The following ARAF variants were observed in gnomAD, a reference collection of about 807,000 sequenced individuals.
The protein encoded by ARAF is A-Raf proto-oncogene, serine/threonine kinase, also known as serine/threonine-protein kinase A-Raf.
In ARAF, 18 loss-of-function variants were observed where a neutral mutation model predicts 48.0. The observed-to-expected ratio is 0.37, with a 90% CI of 0.26 to 0.56. ARAF has a LOEUF of 0.56. Among genes scored for constraint, ARAF ranks in the 20% least tolerant of loss-of-function variants. ARAF has a pLI of 0.77. For missense variants in ARAF, 389 were observed against 543.1 expected, an observed-to-expected ratio of 0.72 and a Z score of 2.82; for synonymous variants, 207 against 220.1, an observed-to-expected ratio of 0.94 and a Z score of 0.53.
At position 47,571,499 on chromosome X, in the gene ARAF, G is replaced by A. The variant is rs988082193; in HGVS notation, c.*42G>A. 63 of 1,173,071 alleles carry A rather than the reference G, an allele frequency of 5.4e-5. No homozygotes were observed. The highest frequency in any genetic ancestry group is 7.1e-5 in the Non-Finnish European group (62 of 877,677). ...CAGGGAGCCAATCTCAGCCCTCCACGCCAAGGAGCCTTGCCCACCAGCCAA... is the reference window on the plus strand; with the variant it reads ...CAGGGAGCCAATCTCAGCCCTCCACACCAAGGAGCCTTGCCCACCAGCCAA... On this transcript the variant is annotated 3_prime_UTR_variant, in exon 16 of 16. Coordinates refer to ENST00000377045, the MANE Select transcript of ARAF (RefSeq NM_001654.5).
Position 47,564,806 on chromosome X carries a change from G to T in ARAF, c.210G>T (p.Thr70=), listed in dbSNP as rs753329721. The T allele has an allele frequency of 8.3e-7, 1 of 1,200,841 alleles. No individual in the cohort carries two copies. Among genetic ancestry groups the T allele is most frequent in the Non-Finnish European group, 1.1e-6 (1 of 890,192 alleles). ...VVYRLIKGRK[T]VTAWDTAIAP... Reference sequence around the variant, plus strand: ...TCCATGCCCCCTGCAGACGAAAGACGGTCACTGCCTGGGACACAGCCATTG... The same window carrying T: ...TCCATGCCCCCTGCAGACGAAAGACTGTCACTGCCTGGGACACAGCCATTG... Residue 70 remains threonine (T), a synonymous_variant, in exon 4 of 16, where the codon ACG becomes ACT. Coordinates refer to ENST00000377045, the MANE Select transcript of ARAF (RefSeq NM_001654.5).
intron 12 of ARAF, 163 bp from the exon 13 acceptor site, chrX:47,569,376 C>T (rs1021946599): frequency 1.6e-5 from 8 of 492,350 alleles, no homozygotes; most frequent in Non-Finnish European, 2.8e-5. Context: ...CATTAGCAGG[C>T]GTTCCCTGCC....
Position 47,571,460 on chromosome X carries a change from C to T in ARAF, c.*3C>T. The T allele has an allele frequency of 8.3e-7, 1 of 1,198,502 alleles. No homozygotes were observed. Among genetic ancestry groups the T allele is most frequent in the Non-Finnish European group, 1.1e-6 (1 of 889,518 alleles). On this transcript the variant is annotated 3_prime_UTR_variant, in exon 16 of 16. Coordinates refer to ENST00000377045, the MANE Select transcript of ARAF (RefSeq NM_001654.5). ...GCGCAGCCCGCCTTGTGCCTTAGGCCCCGCCCAAGCCACCAGGGAGCCAAT... is the reference window on the plus strand; with the variant it reads ...GCGCAGCCCGCCTTGTGCCTTAGGCTCCGCCCAAGCCACCAGGGAGCCAAT...
intron 14 of ARAF, among the ~76,000 whole-genome samples, chrX:47,570,521 C>T (rs2057751094): frequency 9.0e-6 from 1 of 110,566 alleles, no homozygotes; most frequent in Non-Finnish European, 1.9e-5. Flanking sequence ...GCCGGGATAC[C>T]TAGAACCCTC....
chrX:47,563,698 G>T lies in ARAF; in HGVS notation c.200+369G>T, dbSNP rs187706116. 1.2e-3 allele frequency among the ~76,000 whole-genome samples: 138 copies of T among 112,481 alleles called. 1 individual carries two copies. Among genetic ancestry groups the T allele is most frequent in the African/African-American group, 4.3e-3 (133 of 30,955 alleles). ...CTTCTTCACAATTCCAAAGATGGAA[G>T]ATTCTTTCTTACAGTAGATCTCAGC... On this transcript the variant is annotated intron_variant, in intron 3 of 15. Transcript: ENST00000377045.
At position 47,570,010 on chromosome X, in the gene ARAF, G is replaced by A. The variant is rs777769604; in HGVS notation, c.1537G>A (p.Gly513Ser). ...MTGSLPYSHIGCRDQIIFMVG... is the reference protein window; with the variant it reads ...MTGSLPYSHISCRDQIIFMVG... ...TGGCTCACTGCCTTACAGCCACATTGGCTGCCGTGACCAGGTGAGCCCCAC... is the reference window on the plus strand; with the variant it reads ...TGGCTCACTGCCTTACAGCCACATTAGCTGCCGTGACCAGGTGAGCCCCAC... Residue 513 changes from glycine (G) to serine (S), a missense_variant, in exon 14 of 16, where the codon GGC (glycine) becomes AGC (serine). By Grantham distance (56) the Gly-to-Ser change is moderately conservative (BLOSUM62 0). This residue lies in a region of ARAF where 170 missense variants were observed against 281.4 expected (regional missense o/e 0.60). Coordinates refer to ENST00000377045, the MANE Select transcript of ARAF (RefSeq NM_001654.5). The A allele has an allele frequency of 6.6e-6, 8 of 1,206,134 alleles. No individual in the cohort carries two copies. The Admixed American group carries it at 1.8e-4, about 26-fold the overall frequency.
Position 47,571,109 on chromosome X carries a change from T to TGTGTG in ARAF, c.1686+97_1686+98insGTGTG, listed in dbSNP as rs1569321471. 5.2e-6 allele frequency: 5 copies of TGTGTG among 962,487 alleles called. No homozygotes were observed. The Admixed American group carries it at 1.2e-4, about 24-fold the overall frequency. 79.3% of individuals were successfully genotyped at this position (962,487 alleles called of 1,213,427 possible). ...ATGTGAATATGAAAGCTCAGAGGTA[T>TGTGTG]AGTGTGTGTGTGTGTGTGTGTGTGT... On this transcript the variant is annotated intron_variant, in intron 15 of 15. Coordinates refer to ENST00000377045, the MANE Select transcript of ARAF (RefSeq NM_001654.5).
chrX:47,562,850 C>A, intron 1 of ARAF, 59 bp from the exon 2 acceptor site: 1 of 566,584 alleles, frequency 1.8e-6, no homozygotes, highest in Non-Finnish European at 2.8e-6. Flanking sequence ...TTGTCCCCTG[C>A]CACTTTGCTT....
In ARAF at chrX:47,566,896, A is replaced by G. The variant is rs2147906104; in HGVS notation, c.712A>G (p.Ser238Gly). Residue 238 changes from serine (S) to glycine (G), a missense_variant, in exon 8 of 16, where the codon AGT becomes GGT. Physicochemically the swap from Ser to Gly is moderately conservative, Grantham distance 56 (BLOSUM62 0). This residue lies in a region of ARAF where 154 missense variants were observed against 133.6 expected (regional missense o/e 1.15). Transcript: ENST00000377045. Reference protein sequence around the residue: ...DSNLIQLTGQSFSTDAAGSRG... With the variant: ...DSNLIQLTGQGFSTDAAGSRG... ...CCTCTTCTTCTAGCTCACTGGCCAG[A>G]GTTTCAGCACTGATGGTGAGTCCCC... 1 of 1,211,238 alleles carries G rather than the reference A, an allele frequency of 8.3e-7. No homozygotes were observed. The highest frequency in any genetic ancestry group is 1.1e-6 in the Non-Finnish European group (1 of 895,407).
Position 47,563,373 on chromosome X carries a change from C to G in ARAF, c.200+44C>G, listed in dbSNP as rs376873254. 22 of 966,737 alleles carry G rather than the reference C, an allele frequency of 2.3e-5. No homozygotes were observed. In the African/African-American group the frequency reaches 4.0e-4, roughly 18 times the overall value. 79.7% of individuals were successfully genotyped at this position (966,737 alleles called of 1,213,427 possible). ...CGCCCACCCACTGGGTGTCCCACCT[C>G]CCATCCCCTCCTCAGTCATTTGATT... On this transcript the variant is annotated intron_variant, in intron 3 of 15. Coordinates refer to ENST00000377045, the MANE Select transcript of ARAF (RefSeq NM_001654.5).
chrX:47,571,623 TGGG>T lies in ARAF; in HGVS notation c.*169_*171del, dbSNP rs1482851931. ...TGTGCTTTTCCAGTTCTTCTGGAAT[TGGG>T]GGACCCCCGCCAAAGACTGAGCCCC... On this transcript the variant is annotated 3_prime_UTR_variant, in exon 16 of 16. Coordinates refer to ENST00000377045, the MANE Select transcript of ARAF (RefSeq NM_001654.5). The T allele has an allele frequency of 1.3e-5, 10 of 745,407 alleles. No individual in the cohort carries two copies. The highest frequency in any genetic ancestry group is 3.0e-5 in the South Asian group (1 of 32,855). The allele number at this position is 745,407 out of a possible 1,213,427, so 61.4% of individuals were successfully genotyped here. A position where few individuals can be genotyped will look rare whatever the true frequency, so the allele number is the denominator to read the frequency against.
intron 14 of ARAF, among the ~76,000 whole-genome samples, chrX:47,570,632 C>G (rs1207017243): frequency 9.0e-6 from 1 of 110,697 alleles, no homozygotes; most frequent in African/African-American, 3.3e-5. Context: ...TCCTAGAAAC[C>G]CGTGGGCCTA....
intron 3 of ARAF, 120 bp from the exon 4 acceptor site, chrX:47,564,677 G>C (rs2057724593): frequency 1.8e-6 from 1 of 542,339 alleles, no homozygotes; most frequent in African/African-American, 2.3e-5. Context: ...GCTGTGATGA[G>C]AATTAAACAT....
In ARAF at chrX:47,566,754, GC is replaced by G; in HGVS notation, c.678del (p.Met227TrpfsTer65). 1 of 1,209,485 alleles carries G rather than the reference GC, an allele frequency of 8.3e-7. No homozygotes were observed. The highest frequency in any genetic ancestry group is 1.1e-6 in the Non-Finnish European group (1 of 894,288). Reference protein sequence around the residue: ...TPNVHMVSTTAPMDSNLIQLT... With the variant: ...TPNVHMVSTTXPMDSNLIQLT... ...CAACGTCCATATGGTCAGCACCACG[GC>G]CCCCATGGACTCCAACCTCATCCAG... On this transcript the variant is annotated frameshift_variant, in exon 7 of 16. Transcript: ENST00000377045. LOFTEE classifies it high-confidence loss of function.
Position 47,567,359 on chromosome X carries a change from G to A in ARAF, c.1003G>A (p.Val335Met), listed in dbSNP as rs1206503276. ...AGGGCGGTGGCATGGCGATGTGGCC[G>A]TGAAGGTGCTCAAGGTGTCCCAGCC... is the stretch of plus-strand genomic sequence containing the variant. ...FRGRWHGDVA[V>M]KVLKVSQPTA... is the part of the protein sequence containing the mutation. Residue 335 changes from valine (V) to methionine (M), a missense_variant, in exon 10 of 16, where the codon GTG becomes ATG. By Grantham distance (21) the Val-to-Met change is conservative. Coordinates refer to ENST00000377045, the MANE Select transcript of ARAF (RefSeq NM_001654.5). 8.3e-7 allele frequency: 1 copy of A among 1,210,581 alleles called. No individual in the cohort carries two copies. Among genetic ancestry groups the A allele is most frequent in the African/African-American group, 1.7e-5 (1 of 57,718 alleles).
chrX:47,565,415 G>A, intron 6 of ARAF, 65 bp downstream of exon 6: 3 of 1,164,145 alleles, frequency 2.6e-6, no homozygotes, highest in Non-Finnish European at 3.4e-6. Context: ...TGTAGACCAC[G>A]AGCCATACTT....
chrX:47,562,724 G>A (rs2057715383), intron 1 of ARAF, among the ~76,000 whole-genome samples, 185 bp from the exon 2 acceptor site: 1 of 111,362 alleles, frequency 9.0e-6, no homozygotes, highest in Non-Finnish European at 1.9e-5. Context: ...CAAGCAACAG[G>A]AGGGCCTGAG....
chrX:47,565,377 C>G, intron 6 of ARAF, 27 bp downstream of exon 6: 2 of 1,197,377 alleles, frequency 1.7e-6, no homozygotes, highest in Non-Finnish European at 2.3e-6. Context: ...TGAAGAGCTG[C>G]TGGGGGAGAA....
rs746987091 is a variant in ARAF, at chrX:47,563,032, A to T, written c.65A>T (p.Lys22Ile). The change falls in exon 2 of 16, where the codon AAA becomes ATA. Residue 22 changes from lysine (K) to isoleucine (I), a missense_variant. By Grantham distance (102) the Lys-to-Ile change is moderately radical. Coordinates refer to ENST00000377045, the MANE Select transcript of ARAF (RefSeq NM_001654.5). ...AEPSRAVGTV[K>I]VYLPNKQRTV... ...CCATCCCGGGCAGTGGGCACCGTCA[A>T]AGTATACCTGCCCAACAAGCAACGC... 8.3e-7 allele frequency: 1 copy of T among 1,200,370 alleles called. No individual in the cohort carries two copies. Among genetic ancestry groups the T allele is most frequent in the Admixed American group, 2.2e-5 (1 of 44,771 alleles).
Sources: gnomAD v4.1 joint callset for allele counts (sites outside exome capture counted in the v4.1 genomes callset) on GRCh38, gnomAD v4.1.1 for gene constraint, gnomAD v4.1.1 regional missense constraint, MANE v1.5 for transcripts, NCBI Gene and HGNC (gene_info 2026-07-23, HGNC 2026-07-21) for gene names.